The following KBTBD3 variants were observed in gnomAD, a reference collection of about 807,000 sequenced individuals.
KBTBD3 encodes kelch repeat and BTB domain-containing protein 3.
In KBTBD3, 38 loss-of-function variants were observed where a neutral mutation model predicts 49.6. The ratio of observed to expected loss-of-function variants is 0.77; its 90% CI spans 0.59 to 1.00. KBTBD3 has a LOEUF of 1.00. Among genes scored for constraint, KBTBD3 ranks in the 50% least tolerant of loss-of-function variants. The pLI, the probability that KBTBD3 is intolerant of heterozygous loss-of-function variation, is 0.00. For synonymous variants in KBTBD3, 214 were observed against 250.4 expected (o/e 0.85, Z 1.37); for missense variants, 661 against 712.0 (o/e 0.93, Z 0.81).
intron 3 of KBTBD3, 124 bp from the exon 4 acceptor site, chr11:106,054,579 GCCT>G (rs1196393750): frequency 6.1e-5 from 31 of 506,654 alleles, no homozygotes; most frequent in South Asian, 3.4e-4. Flanking sequence ...TATTTTAATT[GCCT>G]CCTAATTAAT....
At chr11:106,066,818 CAA>C (rs1860818299) in intron 2 of KBTBD3, among the ~76,000 whole-genome samples, 2 of 146,242 alleles carry the variant, frequency 1.4e-5, no homozygotes, top group Non-Finnish European at 1.5e-5. Flanking sequence ...ACAAAAAAAA[CAA>C]AAACAACAAC....
At chr11:106,059,804 A>G (rs955156662) in intron 2 of KBTBD3, among the ~76,000 whole-genome samples, 1 of 152,258 alleles carries the variant, frequency 6.6e-6, no homozygotes, top group African/African-American at 2.4e-5. Context: ...ATTCAGCTCT[A>G]AACATAAAAG....
At position 106,053,472 on chromosome 11, in the gene KBTBD3, A is replaced by G. The variant is rs1860471786; in HGVS notation, c.1217T>C (p.Phe406Ser). ...TCCTCTAGTTTTTCCACCTATGACAAATAATCTATCGAGAGCCATAACTGA... is the reference window on the plus strand; with the variant it reads ...TCCTCTAGTTTTTCCACCTATGACAGATAATCTATCGAGAGCCATAACTGA... ...HTSVMALDRL[F>S]VIGGKTRGSR... The change falls in exon 4 of 4, where the codon TTT (phenylalanine) becomes TCT (serine). Residue 406 changes from phenylalanine (F) to serine (S), a missense_variant. Coordinates refer to ENST00000531837, the MANE Select transcript of KBTBD3 (RefSeq NM_198439.3). 1 of 1,613,774 alleles carries G rather than the reference A, an allele frequency of 6.2e-7. No homozygotes were observed. Among genetic ancestry groups the G allele is most frequent in the Non-Finnish European group, 8.5e-7 (1 of 1,179,858 alleles).
At chr11:106,067,609 C>CAA (rs35535283) in intron 2 of KBTBD3, among the ~76,000 whole-genome samples, 212 of 141,104 alleles carry the variant, frequency 1.5e-3, no homozygotes, top group Admixed American at 1.9e-3. Context: ...AAAACTCCGT[C>CAA]AAAAAAAAAA....
chr11:106,056,653 ATGAGT>A (rs1860558094), intron 3 of KBTBD3, among the ~76,000 whole-genome samples: 1 of 152,236 alleles, frequency 6.6e-6, no homozygotes, highest in Non-Finnish European at 1.5e-5. Context: ...TAATAATTCT[ATGAGT>A]TAAGTCCCAT....
At position 106,051,527 on chromosome 11, in the gene KBTBD3, C is replaced by T. The variant is rs1317122248; in HGVS notation, c.*1323G>A. 4 of 152,012 alleles carry T rather than the reference C, an allele frequency of 2.6e-5. No homozygotes were observed. Among genetic ancestry groups the T allele is most frequent in the African/African-American group, 9.6e-5 (4 of 41,546 alleles). 9.4% of individuals were successfully genotyped at this position (152,012 alleles called of 1,614,324 possible). On this transcript the variant is annotated 3_prime_UTR_variant, in exon 4 of 4. Transcript: ENST00000531837. ...AATGTGCACATTTGAGAAAGATTAA[C>T]ATTTACAACTGAGTGTAGAAAACTA...
intron 2 of KBTBD3, among the ~76,000 whole-genome samples, chr11:106,062,466 G>A (rs2135009146): frequency 6.6e-6 from 1 of 152,264 alleles, no homozygotes; most frequent in South Asian, 2.1e-4. Context: ...AACCACAACA[G>A]CCAATGGTGT....
Position 106,053,865 on chromosome 11 carries a change from A to T in KBTBD3, c.824T>A (p.Ile275Asn). ...TNCFDIIMDA[I>N]KCVQGSGGLF... ...TCCACCAGAACCTTGCACACACTTA[A>T]TTGCATCCATGATTATGTCAAAACA... is the stretch of plus-strand genomic sequence containing the variant. Residue 275 changes from isoleucine to asparagine, a missense_variant, in exon 4 of 4, where the codon ATT becomes AAT. Transcript: ENST00000531837. 2 of 1,613,996 alleles carry T rather than the reference A, an allele frequency of 1.2e-6. No homozygotes were observed. The highest frequency in any genetic ancestry group is 1.7e-6 in the Non-Finnish European group (2 of 1,179,928).
intron 2 of KBTBD3, among the ~76,000 whole-genome samples, chr11:106,073,272 T>C (rs1316293311): frequency 6.7e-6 from 1 of 149,010 alleles, no homozygotes; most frequent in Non-Finnish European, 1.5e-5. Context: ...TTTTTTTTTT[T>C]TTTTTTTAAT....
intron 3 of KBTBD3, among the ~76,000 whole-genome samples, chr11:106,058,486 G>A (rs539961482): frequency 2.6e-4 from 39 of 151,644 alleles, no homozygotes; most frequent in African/African-American, 8.7e-4. Context: ...GTGCGGTGGC[G>A]CGATCTCAGC....
rs747304016 is a variant in KBTBD3 at position 106,053,020 on chromosome 11, C to T, written c.1669G>A (p.Gly557Ser). Reference protein sequence around the residue: ...IGIEDKIYILGGDYAPDEITD... With the variant: ...IGIEDKIYILSGDYAPDEITD... The stretch of plus-strand genomic sequence containing the variant: ...ATTTCATCTGGTGCATAATCACCAC[C>T]TAATATATAAATTTTATCTTCAATT... Residue 557 changes from glycine (G) to serine (S), a missense_variant, in exon 4 of 4, where the codon GGT (glycine) becomes AGT (serine). Transcript: ENST00000531837. The T allele has an allele frequency of 6.2e-7, 1 of 1,613,600 alleles. No individual in the cohort carries two copies. Among genetic ancestry groups the T allele is most frequent in the Non-Finnish European group, 8.5e-7 (1 of 1,179,688 alleles).
intron 3 of KBTBD3, among the ~76,000 whole-genome samples, chr11:106,056,298 C>G (rs1860551360): frequency 6.6e-6 from 1 of 151,928 alleles, no homozygotes; most frequent in Non-Finnish European, 1.5e-5. Flanking sequence ...GTTATTTAAA[C>G]CAGGTAGAAA....
At chr11:106,067,278 A>G (rs1026078111) in intron 2 of KBTBD3, among the ~76,000 whole-genome samples, 8 of 152,114 alleles carry the variant, frequency 5.3e-5, no homozygotes, top group African/African-American at 1.9e-4. Context: ...CTCCTACTAG[A>G]ATGATATTGG....
intron 3 of KBTBD3, chr11:106,057,523 A>C (rs1217937710): frequency 1.3e-5 from 2 of 152,280 alleles, no homozygotes; most frequent in African/African-American, 2.4e-5. Context: ...GCCTCACAGG[A>C]TAGTACTACC....
At chr11:106,063,361 G>C (rs1860741314) in intron 2 of KBTBD3, among the ~76,000 whole-genome samples, 1 of 152,182 alleles carries the variant, frequency 6.6e-6, no homozygotes, top group African/African-American at 2.4e-5. Context: ...TGCTGGAGTG[G>C]AGCTCTCTGA....
Position 106,054,177 on chromosome 11 carries a change from T to C in KBTBD3, c.512A>G (p.Asp171Gly). Residue 171 changes from aspartate to glycine, a missense_variant, in exon 4 of 4, where the codon GAT (aspartate) becomes GGT (glycine). Physicochemically the swap from Asp to Gly is moderately conservative, Grantham distance 94 (BLOSUM62 -1). Coordinates refer to ENST00000531837, the MANE Select transcript of KBTBD3 (RefSeq NM_198439.3). The stretch of plus-strand genomic sequence containing the variant: ...ATGTTGTACAAAGTGTAATGCATGA[T>C]CAAACAAACTGGTGGAGCCATAGCT... ...SDSYGSTSLF[D>G]HALHFVQHHF... 1 of 1,613,066 alleles carries C rather than the reference T, an allele frequency of 6.2e-7. No homozygotes were observed. The highest frequency in any genetic ancestry group is 8.5e-7 in the Non-Finnish European group (1 of 1,179,478).
At chr11:106,061,193 G>A (rs966335036) in intron 2 of KBTBD3, among the ~76,000 whole-genome samples, 2 of 152,156 alleles carry the variant, frequency 1.3e-5, no homozygotes, top group African/African-American at 4.8e-5. Context: ...TTCTCCCAGA[G>A]CGGGTGTTCC....
At position 106,059,244 on chromosome 11, in the gene KBTBD3, C is replaced by G. The variant is rs1020278658; in HGVS notation, c.-12-135G>C. ...ATAAGACAGTAAAACTTGTTTTAAACATTTGTTTTCCTGACATTTAATATT... is the reference window on the plus strand; with the variant it reads ...ATAAGACAGTAAAACTTGTTTTAAAGATTTGTTTTCCTGACATTTAATATT... On this transcript the variant is annotated intron_variant, in intron 2 of 3. Coordinates refer to ENST00000531837, the MANE Select transcript of KBTBD3 (RefSeq NM_198439.3). 2.9e-5 allele frequency: 16 copies of G among 559,064 alleles called. No individual in the cohort carries two copies. In the Admixed American group the frequency reaches 4.1e-4, roughly 14 times the overall value. 34.6% of individuals were successfully genotyped at this position (559,064 alleles called of 1,614,324 possible).
chr11:106,057,426 G>A (rs1452228688), intron 3 of KBTBD3: 1 of 152,038 alleles, frequency 6.6e-6, no homozygotes, highest in Non-Finnish European at 1.5e-5. Context: ...GCAAAATATT[G>A]CAATTAGGAT....
Sources: allele counts gnomAD v4.1 joint callset (sites outside exome capture counted in the v4.1 genomes callset), GRCh38; gene constraint gnomAD v4.1.1; transcripts MANE v1.5; gene names NCBI Gene and HGNC (gene_info 2026-07-23, HGNC 2026-07-21).